Variants in METTL15 observed in about 807,000 individuals in gnomAD.
METTL15 encodes the protein methyltransferase 15, mitochondrial 12S rRNA N4-cytidine.
In METTL15, 34 loss-of-function variants were observed where a neutral mutation model predicts 38.3. That is an observed-to-expected ratio of 0.89 (90% CI 0.68 to 1.18). METTL15 has a LOEUF of 1.18. Among genes scored for constraint, METTL15 ranks in the 50% most tolerant of loss-of-function variants. The pLI is 0.00. For synonymous variants in METTL15, 162 were observed against 170.9 expected (o/e 0.95, Z 0.41); for missense variants, 438 against 498.4 (o/e 0.88, Z 1.15).
rs374432976 is a variant in METTL15, at chr11:28,309,132, G to A, written c.778+12201G>A. ...CATGTCAATACTTTAATCTCAAAAT[G>A]TATAATGTTGAAATTTTCATTATCT... On this transcript the variant is annotated intron_variant, in intron 6 of 6. Transcript: ENST00000407364. Among the ~76,000 whole-genome samples the A allele has an allele frequency of 6.9e-4, 105 of 152,230 alleles. No homozygotes were observed. The South Asian group carries it at 0.021, about 31-fold the overall frequency.
At chr11:28,321,882 A>G (rs1290966810) in intron 6 of METTL15, among the ~76,000 whole-genome samples, 1 of 151,588 alleles carries the variant, frequency 6.6e-6, no homozygotes, top group African/African-American at 2.4e-5. Context: ...AACACAATTG[A>G]GAATCCAGAA....
chr11:28,514,886 C>T (rs568003119), intron 6 of METTL15, among the ~76,000 whole-genome samples: 6 of 152,222 alleles, frequency 3.9e-5, no homozygotes, highest in African/African-American at 1.2e-4. Context: ...TTTTACTATG[C>T]CCACAGATCT....
chr11:28,215,725 A>G (rs925789694), intron 4 of METTL15, among the ~76,000 whole-genome samples: 1 of 152,152 alleles, frequency 6.6e-6, no homozygotes, highest in Non-Finnish European at 1.5e-5. Flanking sequence ...CTTTTGAGGT[A>G]GAGAGAATTA....
chr11:28,240,479 GATC>G (rs1370670305), intron 4 of METTL15, among the ~76,000 whole-genome samples: 1 of 152,094 alleles, frequency 6.6e-6, no homozygotes, highest in African/African-American at 2.4e-5. Flanking sequence ...TATTTCATTT[GATC>G]ATCACATTGA....
intron 5 of METTL15, among the ~76,000 whole-genome samples, chr11:28,379,427 A>T (rs1422009603): frequency 6.6e-6 from 1 of 152,062 alleles, no homozygotes; most frequent in Non-Finnish European, 1.5e-5. Flanking sequence ...ATTTGTTTTA[A>T]GAAATATTTT....
intron 3 of METTL15, among the ~76,000 whole-genome samples, chr11:28,200,260 C>T (rs1852060249): frequency 6.6e-6 from 1 of 152,078 alleles, no homozygotes; most frequent in African/African-American, 2.4e-5. Flanking sequence ...AAACAATTTA[C>T]CTAACTCTTC....
In METTL15 at chr11:28,164,385, C is replaced by T. The variant is rs142107593; in HGVS notation, c.271-46677C>T. Among the ~76,000 whole-genome samples, 102 of 151,962 alleles carry T rather than the reference C, an allele frequency of 6.7e-4. 1 individual carries two copies. In the East Asian group the frequency reaches 0.017, roughly 25 times the overall value. ...TTAATTCACTATTGATACTGTAGAACGTATTTATTTAAAAGGAATATGTAT... is the reference window on the plus strand; with the variant it reads ...TTAATTCACTATTGATACTGTAGAATGTATTTATTTAAAAGGAATATGTAT... On this transcript the variant is annotated intron_variant, in intron 3 of 6. Coordinates refer to ENST00000407364, the MANE Select transcript of METTL15 (RefSeq NM_001113528.2).
chr11:28,397,226 C>G (rs1850580501), intron 5 of METTL15, among the ~76,000 whole-genome samples: 2 of 151,908 alleles, frequency 1.3e-5, no homozygotes, highest in Non-Finnish European at 2.9e-5. Context: ...GCAACAAAAG[C>G]CAAAATTGAC....
At chr11:28,113,295 CAT>C (rs1390630845) in intron 2 of METTL15, 21 bp from the exon 3 acceptor site, 1 of 1,443,160 alleles carries the variant, frequency 6.9e-7, no homozygotes, top group African/African-American at 1.4e-5. Context: ...ATCCAACAAT[CAT>C]ATTTTAATTT....
At chr11:28,161,102 C>G (rs964600405) in intron 3 of METTL15, among the ~76,000 whole-genome samples, 1 of 117,142 alleles carries the variant, frequency 8.5e-6, no homozygotes, top group Non-Finnish European at 1.7e-5. Context: ...GATGTTTGCA[C>G]CTTCCTTTTT....
At chr11:28,387,872 T>A (rs1490133830) in intron 5 of METTL15, among the ~76,000 whole-genome samples, 1 of 152,106 alleles carries the variant, frequency 6.6e-6, no homozygotes, top group East Asian at 1.9e-4. Flanking sequence ...GATTGAGTCC[T>A]GCAATGCAAA....
chr11:28,145,813 AAAGC>A (rs1393015940), intron 3 of METTL15: 1 of 152,084 alleles, frequency 6.6e-6, no homozygotes, highest in Non-Finnish European at 1.5e-5. Context: ...AGAATCATTT[AAAGC>A]TTTAGATTTA....
rs11325215 is a variant in METTL15, at chr11:28,500,008, A to ATT, written c.*425-26457_*425-26456dup. On this transcript the variant is annotated intron_variant and NMD_transcript_variant, in intron 6 of 7. Coordinates refer to the METTL15 transcript ENST00000532947. Reference sequence around the variant, plus strand: ...TAAAGGGCAGGTGGTTGGAATTGCTATTTTTTTTTTTTTTGTCTGTGGCAA... The same window carrying ATT: ...TAAAGGGCAGGTGGTTGGAATTGCTATTTTTTTTTTTTTTTTGTCTGTGGCAA... Among the ~76,000 whole-genome samples, 582 of 145,130 alleles carry ATT rather than the reference A, an allele frequency of 4.0e-3. 4 individuals carry two copies. The highest frequency in any genetic ancestry group is 0.014 in the African/African-American group (568 of 39,512).
chr11:28,204,485 T>G (rs1047399657), intron 3 of METTL15, among the ~76,000 whole-genome samples: 4 of 148,276 alleles, frequency 2.7e-5, no homozygotes, highest in African/African-American at 1.0e-4. Flanking sequence ...TAATGCCAGT[T>G]GTCTAATTCC....
chr11:28,340,164 AAATCAT>A (rs1395602021), intron 3 of METTL15, among the ~76,000 whole-genome samples: 1 of 152,114 alleles, frequency 6.6e-6, no homozygotes, highest in Non-Finnish European at 1.5e-5. Context: ...AATCATTTTT[AAATCAT>A]TTTAAAAATG....
intron 3 of METTL15, among the ~76,000 whole-genome samples, chr11:28,118,393 G>A (rs1852065538): frequency 6.6e-6 from 1 of 151,952 alleles, no homozygotes; most frequent in South Asian, 2.1e-4. Flanking sequence ...AATTGTTAAG[G>A]AGAAATTAAA....
intron 6 of METTL15, among the ~76,000 whole-genome samples, chr11:28,451,258 A>T (rs1038068003): frequency 6.6e-6 from 1 of 152,098 alleles, no homozygotes; most frequent in Admixed American, 6.5e-5. Flanking sequence ...TTGGAGATTA[A>T]CAGGAGAGAA....
chr11:28,356,447 A>G (rs112530475), intron 4 of METTL15, among the ~76,000 whole-genome samples: 9 of 152,338 alleles, frequency 5.9e-5, no homozygotes, highest in African/African-American at 2.2e-4. Context: ...ATTTCAAAAT[A>G]GTCAACAAGT....
At chr11:28,294,722 A>G (rs1199642260) in intron 5 of METTL15, among the ~76,000 whole-genome samples, 2 of 152,098 alleles carry the variant, frequency 1.3e-5, no homozygotes, top group Non-Finnish European at 2.9e-5. Flanking sequence ...TGACCACATG[A>G]ATGCCTATTC....
Sources: allele counts gnomAD v4.1 joint callset (sites outside exome capture counted in the v4.1 genomes callset), GRCh38; gene constraint gnomAD v4.1.1; transcripts MANE v1.5; gene names NCBI Gene and HGNC (gene_info 2026-07-23, HGNC 2026-07-21).